The following DTNBP1 variants were observed in gnomAD, a reference collection of about 807,000 sequenced individuals.
The protein encoded by DTNBP1 is dystrobrevin binding protein 1.
DTNBP1 carries 35 observed loss-of-function variants against 42.8 expected under a neutral mutation model. The ratio of observed to expected loss-of-function variants is 0.82; its 90% CI spans 0.63 to 1.09. The LOEUF is 1.09. Ranked by LOEUF, DTNBP1 falls within the 50% of genes least tolerant of loss-of-function variation. The pLI is 0.00. For missense variants in DTNBP1, 457 were observed against 424.2 expected, an observed-to-expected ratio of 1.08 and a Z score of -0.68; for synonymous variants, 171 against 162.2, an observed-to-expected ratio of 1.05 and a Z score of -0.41.
intron 7 of DTNBP1, among the ~76,000 whole-genome samples, chr6:15,570,343 G>A (rs1360760589): frequency 6.6e-6 from 1 of 152,088 alleles, no homozygotes; most frequent in Non-Finnish European, 1.5e-5. Context: ...CTTCTTGAGG[G>A]CAAGAATCTT....
At chr6:15,603,185 G>C (rs1776796066) in intron 6 of DTNBP1, among the ~76,000 whole-genome samples, 2 of 152,180 alleles carry the variant, frequency 1.3e-5, no homozygotes, top group Non-Finnish European at 2.9e-5. Flanking sequence ...GAAAATGTAA[G>C]GTGTGATTAC....
chr6:15,532,016 G>C (rs1417352382), intron 8 of DTNBP1, among the ~76,000 whole-genome samples: 1 of 152,236 alleles, frequency 6.6e-6, no homozygotes, highest in Non-Finnish European at 1.5e-5. Flanking sequence ...GATGTGGTTG[G>C]GGGCAGGATA....
chr6:15,542,364 G>GTTTTGTT (rs531490790), intron 7 of DTNBP1, among the ~76,000 whole-genome samples: 7 of 152,036 alleles, frequency 4.6e-5, no homozygotes, highest in African/African-American at 7.2e-5. Flanking sequence ...CCTATGATTT[G>GTTTTGTT]TTTTGTTTTT....
At chr6:15,603,820 T>C (rs779030337) in intron 6 of DTNBP1, among the ~76,000 whole-genome samples, 2 of 152,194 alleles carry the variant, frequency 1.3e-5, no homozygotes, top group Non-Finnish European at 2.9e-5. Flanking sequence ...AGTCCGACTA[T>C]TGGGAAGAGG....
intron 5 of DTNBP1, among the ~76,000 whole-genome samples, chr6:15,623,511 C>T (rs1759161371): frequency 6.6e-6 from 1 of 152,100 alleles, no homozygotes; most frequent in Non-Finnish European, 1.5e-5. Context: ...ATGATCACAT[C>T]ACCATGCTAC....
chr6:15,624,284 G>C (rs552033378), intron 5 of DTNBP1, among the ~76,000 whole-genome samples: 22 of 152,314 alleles, frequency 1.4e-4, no homozygotes, highest in Admixed American at 3.9e-4. Context: ...AGCCAAACCC[G>C]ATCTGTCAGT....
intron 3 of DTNBP1, among the ~76,000 whole-genome samples, chr6:15,650,496 G>A (rs1463708718): frequency 1.3e-5 from 2 of 152,070 alleles, no homozygotes; most frequent in Admixed American, 6.6e-5. Flanking sequence ...TGGCCAGGCT[G>A]GTCTCAAACT....
rs1028978222 is a variant in DTNBP1 at position 15,534,046 on chromosome 6, C to T, written c.512-651G>A. ...TGCTAAGTGCAGTAAGCCGGAGTCA[C>T]GAAAAGGCAAATGCTGTGTGCTTCC... On this transcript the variant is annotated intron_variant, in intron 7 of 9. Transcript: ENST00000344537. Among the ~76,000 whole-genome samples, 4 of 152,158 alleles carry T rather than the reference C, an allele frequency of 2.6e-5. No homozygotes were observed. In the East Asian group the frequency reaches 7.7e-4, roughly 29 times the overall value.
At chr6:15,653,802 A>T (rs910215872) in intron 1 of DTNBP1, among the ~76,000 whole-genome samples, 1 of 152,218 alleles carries the variant, frequency 6.6e-6, no homozygotes, top group Non-Finnish European at 1.5e-5. Context: ...AGCCCCTACA[A>T]AGTCTTTGTA....
At chr6:15,599,855 T>C (rs1776659296) in intron 6 of DTNBP1, among the ~76,000 whole-genome samples, 1 of 152,204 alleles carries the variant, frequency 6.6e-6, no homozygotes, top group Non-Finnish European at 1.5e-5. Context: ...TATATCACCT[T>C]TGTGTTACTG....
chr6:15,659,551 CTTTCT>C (rs942952197), intron 1 of DTNBP1, among the ~76,000 whole-genome samples: 14 of 104,684 alleles, frequency 1.3e-4, no homozygotes, highest in Non-Finnish European at 1.6e-4. Context: ...GATGGGGTTT[CTTTCT>C]TTTTTTTTTT....
At chr6:15,651,407 A>G in intron 2 of DTNBP1, 44 bp from the exon 3 acceptor site, 1 of 1,607,496 alleles carries the variant, frequency 6.2e-7, no homozygotes, top group Non-Finnish European at 8.5e-7. Flanking sequence ...TGATTTAGCC[A>G]ACTGAAAAAA....
intron 7 of DTNBP1, among the ~76,000 whole-genome samples, chr6:15,553,004 A>G (rs936282527): frequency 1.8e-4 from 28 of 152,292 alleles, no homozygotes; most frequent in Middle Eastern, 3.4e-3. Flanking sequence ...TCTAAGCTCA[A>G]ACAATCATTT....
chr6:15,586,666 A>G (rs962807217), intron 7 of DTNBP1, among the ~76,000 whole-genome samples: 5 of 152,150 alleles, frequency 3.3e-5, no homozygotes, highest in Non-Finnish European at 7.3e-5. Flanking sequence ...CAAAGTGCCA[A>G]GCACCTGAGT....
At chr6:15,572,178 C>G (rs184531209) in intron 7 of DTNBP1, among the ~76,000 whole-genome samples, 47 of 151,980 alleles carry the variant, frequency 3.1e-4, no homozygotes, top group African/African-American at 1.1e-3. Flanking sequence ...TTTTCTCATA[C>G]AAATGAGAAA....
chr6:15,661,983 G>T lies in DTNBP1; in HGVS notation c.56+831C>A, dbSNP rs1761662312. ...TTAGTGGTCGAGCCAGGATGCCTAGGCAATCTGGCGCCAGAGTCTCGGCCT... is the reference window on the plus strand; with the variant it reads ...TTAGTGGTCGAGCCAGGATGCCTAGTCAATCTGGCGCCAGAGTCTCGGCCT... On this transcript the variant is annotated intron_variant, in intron 1 of 9. Transcript: ENST00000344537. 2.0e-5 allele frequency among the ~76,000 whole-genome samples: 3 copies of T among 152,156 alleles called. No homozygotes were observed. In the South Asian group the frequency reaches 6.2e-4, roughly 32 times the overall value.
chr6:15,539,986 C>G (rs758762161), intron 7 of DTNBP1, among the ~76,000 whole-genome samples: 14 of 152,300 alleles, frequency 9.2e-5, no homozygotes, highest in Non-Finnish European at 1.9e-4. Context: ...ACCAAGCATA[C>G]AATGTTGGCC....
At chr6:15,593,630 A>G (rs1561980114) in intron 6 of DTNBP1, among the ~76,000 whole-genome samples, 1 of 152,214 alleles carries the variant, frequency 6.6e-6, no homozygotes. Context: ...CTGGTTTATT[A>G]TTTTGTCAAT....
intron 7 of DTNBP1, chr6:15,586,055 A>C: frequency 3.0e-5 from 34 of 1,146,866 alleles, no homozygotes; most frequent in South Asian, 4.4e-5. Context: ...AATGCAGCTC[A>C]AAATGGAGGG....
Sources: allele counts gnomAD v4.1 joint callset (sites outside exome capture counted in the v4.1 genomes callset), GRCh38; gene constraint gnomAD v4.1.1; transcripts MANE v1.5; gene names NCBI Gene and HGNC (gene_info 2026-07-23, HGNC 2026-07-21).